The following PRKAR1B variants were observed in gnomAD, a reference collection of about 807,000 sequenced individuals.
PRKAR1B encodes protein kinase cAMP-dependent type I regulatory subunit beta, also known as cAMP-dependent protein kinase type I-beta regulatory subunit.
Under a neutral mutation model 46.5 loss-of-function variants are expected in PRKAR1B, and 22 were observed. The ratio of observed to expected loss-of-function variants is 0.47; its 90% CI spans 0.34 to 0.68. The LOEUF is 0.68. Ranked by LOEUF, PRKAR1B falls within the 30% of genes least tolerant of loss-of-function variation. PRKAR1B has a pLI of 0.01. For missense variants in PRKAR1B, 445 were observed against 535.6 expected, an observed-to-expected ratio of 0.83 and a Z score of 1.67; for synonymous variants, 259 against 217.7, an observed-to-expected ratio of 1.19 and a Z score of -1.67.
intron 4 of PRKAR1B, 108 bp from the exon 5 acceptor site, chr7:607,560 G>A: frequency 2.1e-6 from 2 of 945,284 alleles, no homozygotes; most frequent in Non-Finnish European, 3.3e-6. Context: ...AGTCATTGGG[G>A]AAAATGAGAA....
chr7:706,704 C>T (rs1182627168), intron 2 of PRKAR1B, among the ~76,000 whole-genome samples: 2 of 151,562 alleles, frequency 1.3e-5, no homozygotes, highest in Non-Finnish European at 2.9e-5. Flanking sequence ...GGATTACAGG[C>T]ATGAGCCACC....
intron 2 of PRKAR1B, among the ~76,000 whole-genome samples, chr7:705,800 G>A (rs940328374): frequency 6.6e-6 from 1 of 152,202 alleles, no homozygotes; most frequent in African/African-American, 2.4e-5. Context: ...GCCGAGGCAG[G>A]TGGATCACCT....
intron 2 of PRKAR1B, among the ~76,000 whole-genome samples, chr7:698,151 TC>T (rs1301703099): frequency 1.3e-5 from 2 of 151,454 alleles, no homozygotes; most frequent in Non-Finnish European, 2.9e-5. Flanking sequence ...ATGCCTGTAA[TC>T]CCAGCACTTC....
rs150896355 is a variant in PRKAR1B at position 552,859 on chromosome 7, T to C, written c.892-1389A>G. ...CCCCGGGGAAAGGGGAGGGGGGCGC[T>C]GTCTCAGGGTCACATGCCTACTAAG... On this transcript the variant is annotated intron_variant, in intron 9 of 10. Coordinates refer to ENST00000537384, the MANE Select transcript of PRKAR1B (RefSeq NM_001164760.2). Among the ~76,000 whole-genome samples, 117 of 152,352 alleles carry C rather than the reference T, an allele frequency of 7.7e-4. 6 individuals carry two copies. In the East Asian group the frequency reaches 0.019, roughly 25 times the overall value.
At chr7:615,824 T>TC (rs1782781174) in intron 4 of PRKAR1B, among the ~76,000 whole-genome samples, 1 of 12,650 alleles carries the variant, frequency 7.9e-5, no homozygotes, top group Non-Finnish European at 1.8e-4. Context: ...CAAGACTCCA[T>TC]CAAAAAAAAA....
At chr7:594,401 G>A (rs188801849) in intron 7 of PRKAR1B, among the ~76,000 whole-genome samples, 218 of 152,296 alleles carry the variant, frequency 1.4e-3, no homozygotes, top group African/African-American at 5.2e-3. Context: ...GAGAGGGCTC[G>A]GAGCAGACGC....
intron 4 of PRKAR1B, among the ~76,000 whole-genome samples, chr7:624,332 C>A (rs1230181287): frequency 6.6e-6 from 1 of 152,058 alleles, no homozygotes; most frequent in African/African-American, 2.4e-5. Flanking sequence ...ATTCAGGAGA[C>A]TGAGGCAGGA....
At chr7:713,622 C>T (rs1780769516) in intron 1 of PRKAR1B, among the ~76,000 whole-genome samples, 2 of 152,128 alleles carry the variant, frequency 1.3e-5, no homozygotes. Flanking sequence ...ACCTGGTCCA[C>T]ACTCACCTGT....
Position 595,409 on chromosome 7 carries a change from T to C in PRKAR1B, c.708+737A>G, listed in dbSNP as rs576625330. Among the ~76,000 whole-genome samples, 12 of 152,268 alleles carry C rather than the reference T, an allele frequency of 7.9e-5. No homozygotes were observed. In the South Asian group the frequency reaches 2.5e-3, roughly 32 times the overall value. ...AGGAATCACCCTCTGGGGCCGGGTG[T>C]TCACGGCCGCCTCCACCAGGACAAG... On this transcript the variant is annotated intron_variant, in intron 7 of 10. Transcript: ENST00000537384.
At chr7:701,248 GGAAA>G (rs940284113) in intron 2 of PRKAR1B, among the ~76,000 whole-genome samples, 4 of 137,548 alleles carry the variant, frequency 2.9e-5, no homozygotes, top group East Asian at 2.1e-4. Context: ...AAGGAAGGAA[GGAAA>G]GAAAGAAAGA....
intron 7 of PRKAR1B, among the ~76,000 whole-genome samples, chr7:589,704 G>A (rs1325877566): frequency 6.6e-6 from 1 of 152,196 alleles, no homozygotes; most frequent in Non-Finnish European, 1.5e-5. Context: ...AGACAACAAG[G>A]TCATCCCGAA....
intron 2 of PRKAR1B, among the ~76,000 whole-genome samples, chr7:709,102 T>A (rs1780479665): frequency 1.1e-5 from 1 of 88,448 alleles, no homozygotes; most frequent in Non-Finnish European, 2.1e-5. Flanking sequence ...CCCCAATATT[T>A]AATACTAAAA....
At chr7:569,866 C>T (rs1191287456) in intron 9 of PRKAR1B, among the ~76,000 whole-genome samples, 1 of 152,208 alleles carries the variant, frequency 6.6e-6, no homozygotes, top group Non-Finnish European at 1.5e-5. Flanking sequence ...CAGGGCCAGA[C>T]CCCGAGGGCC....
chr7:565,513 C>G (rs1382756822), intron 9 of PRKAR1B: 1 of 152,238 alleles, frequency 6.6e-6, no homozygotes, highest in Non-Finnish European at 1.5e-5. Flanking sequence ...CAGGGAGAGT[C>G]TCGTGCTCAG....
At chr7:574,822 C>T (rs1779725436) in intron 9 of PRKAR1B, among the ~76,000 whole-genome samples, 1 of 152,236 alleles carries the variant, frequency 6.6e-6, no homozygotes, top group African/African-American at 2.4e-5. Context: ...AAACACTGCA[C>T]AGGCCAACAC....
At chr7:639,580 T>C (rs937017416) in intron 4 of PRKAR1B, among the ~76,000 whole-genome samples, 10 of 152,200 alleles carry the variant, frequency 6.6e-5, no homozygotes, top group African/African-American at 2.4e-4. Flanking sequence ...CCAGGCATAC[T>C]GGCTCACGCC....
At chr7:676,569 C>A (rs1285447134) in intron 4 of PRKAR1B, among the ~76,000 whole-genome samples, 3 of 152,238 alleles carry the variant, frequency 2.0e-5, no homozygotes, top group Non-Finnish European at 2.9e-5. Context: ...CAGATCCAGA[C>A]CCCCTATTTG....
chr7:597,381 G>A (rs915903233), intron 6 of PRKAR1B, among the ~76,000 whole-genome samples: 2 of 152,190 alleles, frequency 1.3e-5, no homozygotes, highest in African/African-American at 4.8e-5. Context: ...AACTTTCGGA[G>A]GCACAGGGGC....
Position 551,348 on chromosome 7 carries a change from G to A in PRKAR1B, c.973+41C>T, listed in dbSNP as rs773811571. ...CCCCTCCCGAGACCCCAAATGAGAT[G>A]GCCACAGCCGTGCGAGGGAGGGGAC... On this transcript the variant is annotated intron_variant, in intron 10 of 10. Coordinates refer to ENST00000537384, the MANE Select transcript of PRKAR1B (RefSeq NM_001164760.2). 10 of 1,537,380 alleles carry A rather than the reference G, an allele frequency of 6.5e-6. No individual in the cohort carries two copies. The Admixed American group carries it at 7.9e-5, about 12-fold the overall frequency.
Sources: gnomAD v4.1 joint callset for allele counts (sites outside exome capture counted in the v4.1 genomes callset) on GRCh38, gnomAD v4.1.1 for gene constraint, MANE v1.5 for transcripts, NCBI Gene and HGNC (gene_info 2026-07-23, HGNC 2026-07-21) for gene names.